AKAP5: variants seen among roughly 807,000 people sequenced by gnomAD.
AKAP5 encodes A-kinase anchor protein 5.
A neutral mutation model predicts 13.8 loss-of-function variants in AKAP5; 5 were observed. The observed-to-expected ratio is 0.36, with a 90% CI of 0.19 to 0.76. The LOEUF is 0.76. AKAP5 is among the 30% of genes least tolerant of loss of function. The pLI, the probability that AKAP5 is intolerant of heterozygous loss-of-function variation, is 0.51. For missense variants in AKAP5, 406 were observed against 484.4 expected (o/e 0.84, Z 1.52); for synonymous variants, 148 against 167.2 (o/e 0.89, Z 0.89).
Position 64,468,492 on chromosome 14 carries a change from C to A in AKAP5, c.98C>A (p.Ser33Tyr). ...GCTGAAAGGCAGAAGGAAAAGGCAT[C>A]CATGCTTTGCTTCAAGAGAAGAAAG... ...PGAERQKEKA[S>Y]MLCFKRRKKA... The change falls in exon 2 of 2, where the codon TCC (serine) becomes TAC (tyrosine). Residue 33 changes from serine (S) to tyrosine (Y), a missense_variant. By Grantham distance (144) the Ser-to-Tyr change is moderately radical. Coordinates refer to ENST00000394718, the MANE Select transcript of AKAP5 (RefSeq NM_004857.3). The A allele has an allele frequency of 6.2e-7, 1 of 1,614,052 alleles. No homozygotes were observed. Among genetic ancestry groups the A allele is most frequent in the Middle Eastern group, 1.6e-4 (1 of 6,062 alleles).
rs779914423 is a variant in AKAP5, at chr14:64,468,355, G to C, written c.-40G>C. On this transcript the variant is annotated 5_prime_UTR_variant, in exon 2 of 2. Coordinates refer to ENST00000394718, the MANE Select transcript of AKAP5 (RefSeq NM_004857.3). ...TGTCACAAAAGGCTGCTAAGGAAGAGAGAATACAGTTTTCTAGAGAATAAG... is the reference window on the plus strand; with the variant it reads ...TGTCACAAAAGGCTGCTAAGGAAGACAGAATACAGTTTTCTAGAGAATAAG... 24 of 1,525,218 alleles carry C rather than the reference G, an allele frequency of 1.6e-5. No individual in the cohort carries two copies. Among genetic ancestry groups the C allele is most frequent in the Non-Finnish European group, 2.0e-5 (23 of 1,138,118 alleles). 94.5% of individuals were successfully genotyped at this position (1,525,218 alleles called of 1,614,324 possible).
At position 64,469,649 on chromosome 14, in the gene AKAP5, G is replaced by A; in HGVS notation, c.1255G>A (p.Asp419Asn). The A allele has an allele frequency of 1.3e-6, 2 of 1,594,924 alleles. No individual in the cohort carries two copies. The highest frequency in any genetic ancestry group is 1.8e-5 in the Admixed American group (1 of 54,666). The change falls in exon 2 of 2, where the codon GAT becomes AAT. Residue 419 changes from aspartate (D) to asparagine (N), a missense_variant. Physicochemically the swap from Asp to Asn is conservative, Grantham distance 23. Transcript: ENST00000394718. ...EQLVNEMASDDNKINNLLQ is the reference protein window; with the variant it reads ...EQLVNEMASDNNKINNLLQ ...GCTGGTTAATGAAATGGCCTCTGAT[G>A]ATAATAAAATAAACAATCTTCTACA...
At position 64,469,137 on chromosome 14, in the gene AKAP5, GC is replaced by G; in HGVS notation, c.746del (p.Pro249HisfsTer37). On this transcript the variant is annotated frameshift_variant, in exon 2 of 2. Transcript: ENST00000394718. LOFTEE classifies it high-confidence loss of function. The stretch of plus-strand genomic sequence containing the variant: ...CAAGATGTTCAACCCCAGCAAGCAA[GC>G]CCACTTGAAACTTCAGAAACAGACC... Reference protein sequence around the residue: ...EKQDVQPQQASPLETSETDHQ... With the variant: ...EKQDVQPQQAXPLETSETDHQ... 1 of 1,614,106 alleles carries G rather than the reference GC, an allele frequency of 6.2e-7. No homozygotes were observed. The highest frequency in any genetic ancestry group is 8.5e-7 in the Non-Finnish European group (1 of 1,180,024).
rs2078676410 is a variant in AKAP5, at chr14:64,471,896, T to C, written c.*2218T>C. On this transcript the variant is annotated 3_prime_UTR_variant, in exon 2 of 2. Transcript: ENST00000394718. ...CTTCATTTCTTTCTGTAAATACATA[T>C]TGAGACCTCTAACAAAAGAAACTAA... The C allele has an allele frequency of 6.0e-6, 1 of 166,698 alleles. No individual in the cohort carries two copies. Among genetic ancestry groups the C allele is most frequent in the Non-Finnish European group, 1.5e-5 (1 of 68,116 alleles). 10.3% of individuals were successfully genotyped at this position (166,698 alleles called of 1,614,324 possible).
intron 1 of AKAP5, among the ~76,000 whole-genome samples, chr14:64,465,860 C>T (rs1340009632): frequency 6.6e-6 from 1 of 152,196 alleles, no homozygotes; most frequent in African/African-American, 2.4e-5. Context: ...TTGCCGGTGG[C>T]TTTTTTCCTT....
In AKAP5 at chr14:64,468,382, G is replaced by A. The variant is rs769429616; in HGVS notation, c.-13G>A. On this transcript the variant is annotated 5_prime_UTR_variant, in exon 2 of 2. It adds an upstream start codon to the 5' untranslated region. Transcript: ENST00000394718. ...GAATACAGTTTTCTAGAGAATAAGA[G>A]TGCAGTGTAAAAATGGAAACCACAA... The A allele has an allele frequency of 2.5e-6, 4 of 1,587,972 alleles. No homozygotes were observed. Among genetic ancestry groups the A allele is most frequent in the South Asian group, 2.3e-5 (2 of 85,882 alleles).
rs2078615254 is a variant in AKAP5 at position 64,466,534 on chromosome 14, G to GTA, written c.-264+921_-264+922insTA. ...GAAGATTTAAACAGTTATCAGCTTA[G>GTA]GTTCTAGTGCTCACTGAAACATTGT... On this transcript the variant is annotated intron_variant, in intron 1 of 1. Transcript: ENST00000394718. Among the ~76,000 whole-genome samples, 5 of 152,218 alleles carry GTA rather than the reference G, an allele frequency of 3.3e-5. No individual in the cohort carries two copies. In the South Asian group the frequency reaches 1.0e-3, roughly 32 times the overall value.
At position 64,468,607 on chromosome 14, in the gene AKAP5, G is replaced by T; in HGVS notation, c.213G>T (p.Gln71His). 1.2e-6 allele frequency: 2 copies of T among 1,613,896 alleles called. No individual in the cohort carries two copies. The highest frequency in any genetic ancestry group is 1.7e-6 in the Non-Finnish European group (2 of 1,180,014). ...KCPQEAGASD[Q>H]PEPTRGAWAS... The stretch of plus-strand genomic sequence containing the variant: ...CACAAGAAGCAGGAGCTTCTGATCA[G>T]CCAGAGCCCACACGGGGGGCCTGGG... The change falls in exon 2 of 2, where the codon CAG (glutamine) becomes CAT (histidine). Residue 71 changes from glutamine to histidine, a missense_variant. Transcript: ENST00000394718.
Position 64,469,822 on chromosome 14 carries a change from G to A in AKAP5, c.*144G>A. ...ACAATTCCAGCGCAGAAGTGCTAAAGATTAAGTCAAGTTTATAAAACTCTA... is the reference window on the plus strand; with the variant it reads ...ACAATTCCAGCGCAGAAGTGCTAAAAATTAAGTCAAGTTTATAAAACTCTA... On this transcript the variant is annotated 3_prime_UTR_variant, in exon 2 of 2. Coordinates refer to ENST00000394718, the MANE Select transcript of AKAP5 (RefSeq NM_004857.3). The A allele has an allele frequency of 1.6e-6, 1 of 615,904 alleles. No homozygotes were observed. The highest frequency in any genetic ancestry group is 2.7e-6 in the Non-Finnish European group (1 of 367,886). The allele number at this position is 615,904 out of a possible 1,614,324, so 38.2% of individuals were successfully genotyped here. A position where few individuals can be genotyped will look rare whatever the true frequency, so the allele number is the denominator to read the frequency against.
intron 1 of AKAP5, chr14:64,467,129 C>T (rs1053762486): frequency 2.0e-5 from 3 of 152,162 alleles, no homozygotes; most frequent in Non-Finnish European, 4.4e-5. Flanking sequence ...TGAAACACTG[C>T]AGATTAGTAT....
intron 1 of AKAP5, among the ~76,000 whole-genome samples, chr14:64,465,898 T>C (rs756227438): frequency 1.3e-5 from 2 of 152,216 alleles, no homozygotes; most frequent in Non-Finnish European, 2.9e-5. Flanking sequence ...AAATGTGATT[T>C]TGGGTTTCTG....
At chr14:64,465,953 T>C (rs908234752) in intron 1 of AKAP5, among the ~76,000 whole-genome samples, 3 of 152,192 alleles carry the variant, frequency 2.0e-5, no homozygotes, top group African/African-American at 7.2e-5. Flanking sequence ...CTGGGTTATC[T>C]GTTCCACGCC....
Position 64,468,340 on chromosome 14 carries a change from G to A in AKAP5, c.-55G>A, listed in dbSNP as rs1245858891. On this transcript the variant is annotated 5_prime_UTR_variant, in exon 2 of 2. Transcript: ENST00000394718. ...TTTTGCTCATCTTTTTGTCACAAAAGGCTGCTAAGGAAGAGAGAATACAGT... is the reference window on the plus strand; with the variant it reads ...TTTTGCTCATCTTTTTGTCACAAAAAGCTGCTAAGGAAGAGAGAATACAGT... 1.4e-6 allele frequency: 2 copies of A among 1,479,448 alleles called. No homozygotes were observed. Among genetic ancestry groups the A allele is most frequent in the Non-Finnish European group, 9.0e-7 (1 of 1,108,134 alleles). The allele number at this position is 1,479,448 out of a possible 1,614,324, so 91.6% of individuals were successfully genotyped here. A position where few individuals can be genotyped will look rare whatever the true frequency, so the allele number is the denominator to read the frequency against.
At position 64,471,557 on chromosome 14, in the gene AKAP5, C is replaced by T. The variant is rs1331240277; in HGVS notation, c.*1879C>T. 6.0e-6 allele frequency: 1 copy of T among 166,980 alleles called. No individual in the cohort carries two copies. The highest frequency in any genetic ancestry group is 1.5e-5 in the Non-Finnish European group (1 of 68,098). The allele number at this position is 166,980 out of a possible 1,614,324, so 10.3% of individuals were successfully genotyped here. On this transcript the variant is annotated 3_prime_UTR_variant, in exon 2 of 2. Coordinates refer to ENST00000394718, the MANE Select transcript of AKAP5 (RefSeq NM_004857.3). ...AAGCATCTGATCTCATCAATGATTG[C>T]CATATTTTTTGAAAAAGTAATCCTA... is the stretch of plus-strand genomic sequence containing the variant.
rs1036659544 is a variant in AKAP5, at chr14:64,472,528, A to G, written c.*2850A>G. 1 of 166,902 alleles carries G rather than the reference A, an allele frequency of 6.0e-6. No individual in the cohort carries two copies. Among genetic ancestry groups the G allele is most frequent in the Admixed American group, 6.5e-5 (1 of 15,286 alleles). The allele number at this position is 166,902 out of a possible 1,614,324, so 10.3% of individuals were successfully genotyped here. A position where few individuals can be genotyped will look rare whatever the true frequency, so the allele number is the denominator to read the frequency against. ...TGATATATATTTTTGGTTAGAATGT[A>G]CTGATTGTTTTTATGATAAGATGTA... On this transcript the variant is annotated 3_prime_UTR_variant, in exon 2 of 2. Transcript: ENST00000394718.
Position 64,465,576 on chromosome 14 carries a change from C to T in AKAP5, c.-301C>T, listed in dbSNP as rs1293919078. 1 of 152,170 alleles carries T rather than the reference C, an allele frequency of 6.6e-6. No homozygotes were observed. Among genetic ancestry groups the T allele is most frequent in the Non-Finnish European group, 1.5e-5 (1 of 68,038 alleles). 9.4% of individuals were successfully genotyped at this position (152,170 alleles called of 1,614,324 possible). On this transcript the variant is annotated 5_prime_UTR_variant, in exon 1 of 2. Coordinates refer to ENST00000394718, the MANE Select transcript of AKAP5 (RefSeq NM_004857.3). Reference sequence around the variant, plus strand: ...GCGGGCCCCGCGAGCGCGCCGCCACCTCGGGAGCAGTGTTGGCCAAGGACC... The same window carrying T: ...GCGGGCCCCGCGAGCGCGCCGCCACTTCGGGAGCAGTGTTGGCCAAGGACC...
At position 64,471,049 on chromosome 14, in the gene AKAP5, A is replaced by G. The variant is rs938733151; in HGVS notation, c.*1371A>G. 6.0e-6 allele frequency: 1 copy of G among 167,226 alleles called. No homozygotes were observed. The highest frequency in any genetic ancestry group is 2.4e-5 in the African/African-American group (1 of 41,588). The allele number at this position is 167,226 out of a possible 1,614,324, so 10.4% of individuals were successfully genotyped here. A position where few individuals can be genotyped will look rare whatever the true frequency, so the allele number is the denominator to read the frequency against. On this transcript the variant is annotated 3_prime_UTR_variant, in exon 2 of 2. Coordinates refer to ENST00000394718, the MANE Select transcript of AKAP5 (RefSeq NM_004857.3). ...AAGTGAAAAGTTATTGCTAAAGCAC[A>G]TTATAATTTAAATGTCAGTATTCCT...
intron 1 of AKAP5, among the ~76,000 whole-genome samples, chr14:64,466,874 A>C (rs2078617789): frequency 6.6e-6 from 1 of 152,184 alleles, no homozygotes; most frequent in Non-Finnish European, 1.5e-5. Context: ...CTTTGGTGCC[A>C]TCATACCATT....
rs1237529692 is a variant in AKAP5 at position 64,470,012 on chromosome 14, T to C, written c.*334T>C. 2 of 199,714 alleles carry C rather than the reference T, an allele frequency of 1.0e-5. No individual in the cohort carries two copies. The highest frequency in any genetic ancestry group is 2.4e-5 in the African/African-American group (1 of 42,544). 12.4% of individuals were successfully genotyped at this position (199,714 alleles called of 1,614,324 possible). A position where few individuals can be genotyped will look rare whatever the true frequency, so the allele number is the denominator to read the frequency against. On this transcript the variant is annotated 3_prime_UTR_variant, in exon 2 of 2. Coordinates refer to ENST00000394718, the MANE Select transcript of AKAP5 (RefSeq NM_004857.3). Reference sequence around the variant, plus strand: ...TTATGGTATGCCATAAGCTTTTTAATGACCTCTGATATAACAAAGTCTGGT... The same window carrying C: ...TTATGGTATGCCATAAGCTTTTTAACGACCTCTGATATAACAAAGTCTGGT...
Sources: gnomAD v4.1 joint callset for allele counts (sites outside exome capture counted in the v4.1 genomes callset) on GRCh38, gnomAD v4.1.1 for gene constraint, MANE v1.5 for transcripts, NCBI Gene and HGNC (gene_info 2026-07-23, HGNC 2026-07-21) for gene names.